The following CDNF variants were observed in gnomAD, a reference collection of about 807,000 sequenced individuals.
The protein encoded by CDNF is ARMET-like protein 1.
A neutral mutation model predicts 14.8 loss-of-function variants in CDNF; 9 were observed. The observed-to-expected ratio is 0.61, with a 90% CI of 0.37 to 1.06. CDNF has a LOEUF of 1.06. CDNF is among the 50% of genes least tolerant of loss of function. The probability of loss-of-function intolerance (pLI) is 0.01; values close to 1 mark genes in which losing one functional copy is unlikely to be tolerated. For synonymous variants in CDNF, 86 were observed against 87.2 expected (o/e 0.99, Z 0.07); for missense variants, 228 against 228.4 (o/e 1.00, Z 0.01).
chr10:14,825,574 C>T lies in CDNF; in HGVS notation c.290G>A (p.Ser97Asn), dbSNP rs201935618. Residue 97 changes from serine to asparagine, a missense_variant, in exon 3 of 4, where the codon AGT (serine) becomes AAT (asparagine). Coordinates refer to ENST00000465530, the MANE Select transcript of CDNF (RefSeq NM_001029954.3). ...ATKDAATKIL[S>N]EVTRPMSVHM... ...CACACTCATTGGGCGAGTGACTTCA[C>T]TTAGGATCTTTGTGGCTGCGTCTTT... is the stretch of plus-strand genomic sequence containing the variant. 1.2e-5 allele frequency: 19 copies of T among 1,613,928 alleles called. No individual in the cohort carries two copies. Among genetic ancestry groups the T allele is most frequent in the Non-Finnish European group, 1.5e-5 (18 of 1,179,982 alleles).
intron 1 of CDNF, among the ~76,000 whole-genome samples, 162 bp from the exon 2 acceptor site, chr10:14,828,434 G>A (rs1588796688): frequency 6.6e-6 from 1 of 150,920 alleles, no homozygotes; most frequent in Non-Finnish European, 1.5e-5. Context: ...AGATCACAAG[G>A]TCAGGATATC....
In CDNF at chr10:14,825,498, C is replaced by T. The variant is rs1462290329; in HGVS notation, c.366G>A (p.Gln122=). ...TTATACCATATTTCAGCTCACAGAT[C>T]TGGCTATCCAACTTCTTCAGCTTCT... ...ICEKLKKLDS[Q]ICELKYEKTL... The change falls in exon 3 of 4, where the codon CAG becomes CAA. Residue 122 remains glutamine (Q), a synonymous_variant. Coordinates refer to ENST00000465530, the MANE Select transcript of CDNF (RefSeq NM_001029954.3). 6.2e-7 allele frequency: 1 copy of T among 1,613,960 alleles called. No homozygotes were observed. Among genetic ancestry groups the T allele is most frequent in the Non-Finnish European group, 8.5e-7 (1 of 1,180,006 alleles).
chr10:14,830,949 T>G (rs1254415409), intron 1 of CDNF, among the ~76,000 whole-genome samples: 1 of 152,208 alleles, frequency 6.6e-6, no homozygotes, highest in Non-Finnish European at 1.5e-5. Context: ...CAGTTCGAGA[T>G]GTTTCAGATC....
In CDNF at chr10:14,837,885, G is replaced by A. The variant is rs572206887; in HGVS notation, c.62C>T (p.Pro21Leu). Residue 21 changes from proline (P) to leucine (L), a missense_variant, in exon 1 of 4, where the codon CCG (proline) becomes CTG (leucine). By Grantham distance (98) the Pro-to-Leu change is moderately conservative (BLOSUM62 -3). Coordinates refer to ENST00000465530, the MANE Select transcript of CDNF (RefSeq NM_001029954.3). ...GGCCTCCTGGCCCTGCGTCAGCACC[G>A]GGTGAGAGACCAAAAGCCCGGCGCA... The part of the protein sequence containing the change: ...AFCAGLLVSH[P>L]VLTQGQEAGG... The A allele has an allele frequency of 1.3e-4, 205 of 1,607,012 alleles. 1 individual carries two copies. The South Asian group carries it at 2.1e-3, about 16-fold the overall frequency.
chr10:14,836,124 A>G (rs576123371), intron 1 of CDNF: 2 of 152,358 alleles, frequency 1.3e-5, no homozygotes, highest in Admixed American at 1.3e-4. Context: ...TAGAGTATGT[A>G]TAATATGGCA....
At chr10:14,831,811 T>C (rs1028152303) in intron 1 of CDNF, among the ~76,000 whole-genome samples, 1 of 152,188 alleles carries the variant, frequency 6.6e-6, no homozygotes, top group Non-Finnish European at 1.5e-5. Flanking sequence ...CCTCACCTGG[T>C]GATCTGCCCA....
chr10:14,821,702 A>G (rs1833740108), intron 3 of CDNF, among the ~76,000 whole-genome samples: 1 of 152,212 alleles, frequency 6.6e-6, no homozygotes, highest in South Asian at 2.1e-4. Context: ...CTTCAAAACT[A>G]AGGGCCTATG....
In CDNF at chr10:14,825,504, A is replaced by T. The variant is rs772299284; in HGVS notation, c.360T>A (p.Asp120Glu). 1.2e-6 allele frequency: 2 copies of T among 1,614,122 alleles called. No individual in the cohort carries two copies. The highest frequency in any genetic ancestry group is 2.2e-5 in the South Asian group (2 of 91,078). The change falls in exon 3 of 4, where the codon GAT becomes GAA. Residue 120 changes from aspartate (D) to glutamate (E), a missense_variant. Asp to Glu is a conservative substitution (Grantham distance 45). Transcript: ENST00000465530. ...CATATTTCAGCTCACAGATCTGGCT[A>T]TCCAACTTCTTCAGCTTCTCACAAA... ...MKICEKLKKL[D>E]SQICELKYEK...
chr10:14,826,074 AAGAAGAAGAAGAAGAAGAAGAAGCAGC>A (rs1833782286), intron 2 of CDNF, among the ~76,000 whole-genome samples: 4 of 141,794 alleles, frequency 2.8e-5, no homozygotes, highest in African/African-American at 1.1e-4. Context: ...GAAGAAGAAG[AAGAAGAAGAAGAAGAAGAAGAAGCAGC>A]AGCAGCAGCA....
rs141659915 is a variant in CDNF, at chr10:14,832,974, C to T, written c.116-4702G>A. 4.9e-3 allele frequency among the ~76,000 whole-genome samples: 738 copies of T among 150,360 alleles called. 6 individuals carry two copies. Among genetic ancestry groups the T allele is most frequent in the African/African-American group, 0.015 (604 of 40,772 alleles). ...TCCTGGATTGAAGTGATTCTTGTGC[C>T]TCAGCCTCCTGAGTAGCTGGGATTA... On this transcript the variant is annotated intron_variant, in intron 1 of 3. Coordinates refer to ENST00000465530, the MANE Select transcript of CDNF (RefSeq NM_001029954.3).
intron 1 of CDNF, among the ~76,000 whole-genome samples, chr10:14,828,491 C>T (rs571081227): frequency 8.6e-5 from 13 of 151,978 alleles, no homozygotes; most frequent in African/African-American, 2.9e-4. Flanking sequence ...TACTAAAATA[C>T]AAAAAATTAG....
chr10:14,826,149 G>GAGAAGA (rs1374565008), intron 2 of CDNF, among the ~76,000 whole-genome samples: 10 of 122,636 alleles, frequency 8.2e-5, no homozygotes, highest in South Asian at 2.6e-4. Flanking sequence ...GAAGGAGAAG[G>GAGAAGA]AGAAGAAGAA....
intron 1 of CDNF, among the ~76,000 whole-genome samples, chr10:14,837,162 T>C (rs73596410): frequency 5.0e-4 from 76 of 152,334 alleles, no homozygotes; most frequent in African/African-American, 1.7e-3. Context: ...TTACCTTCTT[T>C]GCCTTTGCTA....
At chr10:14,826,287 AAGC>A (rs939388030) in intron 2 of CDNF, among the ~76,000 whole-genome samples, 6 of 151,742 alleles carry the variant, frequency 4.0e-5, no homozygotes, top group Non-Finnish European at 8.8e-5. Context: ...GAAGCAGTAG[AAGC>A]AGCAGAAGCA....
chr10:14,829,450 A>G (rs1295207253), intron 1 of CDNF, among the ~76,000 whole-genome samples: 2 of 152,186 alleles, frequency 1.3e-5, no homozygotes, highest in African/African-American at 4.8e-5. Flanking sequence ...GTCTCTGCAC[A>G]CACCTGTGGT....
At position 14,819,985 on chromosome 10, in the gene CDNF, G is replaced by A. The variant is rs764168746; in HGVS notation, c.559C>T (p.Leu187Phe). Residue 187 changes from leucine to phenylalanine, a missense_variant, in exon 4 of 4, where the codon CTC becomes TTC. By Grantham distance (22) the Leu-to-Phe change is conservative. Coordinates refer to ENST00000465530, the MANE Select transcript of CDNF (RefSeq NM_001029954.3). The stretch of plus-strand genomic sequence containing the variant: ...AAATGTGCTGGCATTGGAGATCAGA[G>A]CTCTGTTTTGGGGTGTGTCGCTGCA... ...KYAATHPKTE[L>F] The A allele has an allele frequency of 6.2e-7, 1 of 1,612,684 alleles. No individual in the cohort carries two copies. Among genetic ancestry groups the A allele is most frequent in the Non-Finnish European group, 8.5e-7 (1 of 1,179,670 alleles).
intron 1 of CDNF, among the ~76,000 whole-genome samples, chr10:14,832,452 GT>G (rs1833851482): frequency 6.6e-6 from 1 of 152,222 alleles, no homozygotes; most frequent in African/African-American, 2.4e-5. Flanking sequence ...GCCATTTAAG[GT>G]TTTGAGTAGA....
At chr10:14,826,070 GAAGAAGAA>G (rs1833781939) in intron 2 of CDNF, among the ~76,000 whole-genome samples, 1 of 141,146 alleles carries the variant, frequency 7.1e-6, no homozygotes, top group Non-Finnish European at 1.5e-5. Context: ...AGAAGAAGAA[GAAGAAGAA>G]GAAGAAGAAG....
intron 1 of CDNF, 119 bp from the exon 2 acceptor site, chr10:14,828,391 G>T: frequency 2.2e-6 from 2 of 902,122 alleles, no homozygotes; most frequent in Non-Finnish European, 3.4e-6. Context: ...GCTTACCCCT[G>T]TAATCCTAGC....
Sources: allele counts gnomAD v4.1 joint callset (sites outside exome capture counted in the v4.1 genomes callset), GRCh38; gene constraint gnomAD v4.1.1; transcripts MANE v1.5; gene names NCBI Gene and HGNC (gene_info 2026-07-23, HGNC 2026-07-21).